HS3ST4: variants seen among roughly 807,000 people sequenced by gnomAD.
The protein encoded by HS3ST4 is heparan sulfate glucosamine 3-O-sulfotransferase 4.
Under a neutral mutation model 29.2 loss-of-function variants are expected in HS3ST4, and 17 were observed. The ratio of observed to expected loss-of-function variants is 0.58; its 90% confidence interval spans 0.40 to 0.87. The LOEUF (loss-of-function observed/expected upper bound fraction) is 0.87, where lower values mean the gene tolerates loss of function less well. Among genes scored for constraint, HS3ST4 ranks in the 40% least tolerant of loss-of-function variants. HS3ST4 has a pLI of 0.00. For synonymous variants in HS3ST4, 314 were observed against 285.7 expected (o/e 1.10, Z -1.00); for missense variants, 627 against 634.5 (o/e 0.99, Z 0.13).
chr16:26,015,376 G>C lies in HS3ST4; in HGVS notation c.735-120236G>C, dbSNP rs1390465786. ...GTGGGGAATGGGGGTCCCAAATGCA[G>C]AGCTTCTGTCATTTTTAGAGATGTC... On this transcript the variant is annotated intron_variant, in intron 1 of 1. Transcript: ENST00000331351. 2.0e-5 allele frequency among the ~76,000 whole-genome samples: 3 copies of C among 152,338 alleles called. No individual in the cohort carries two copies. In the East Asian group the frequency reaches 5.8e-4, roughly 29 times the overall value.
intron 1 of HS3ST4, among the ~76,000 whole-genome samples, chr16:26,074,173 G>T (rs1898632666): frequency 6.6e-6 from 1 of 152,152 alleles, no homozygotes; most frequent in Non-Finnish European, 1.5e-5. Context: ...CCCTCTGAGG[G>T]CAGGAAACCT....
intron 1 of HS3ST4, among the ~76,000 whole-genome samples, chr16:26,092,397 G>A (rs775729738): frequency 3.9e-5 from 6 of 152,128 alleles, no homozygotes; most frequent in Non-Finnish European, 7.3e-5. Context: ...ACTGCTCCAT[G>A]TCCAGTCCCC....
chr16:25,810,000 T>C (rs1207503074), intron 1 of HS3ST4, among the ~76,000 whole-genome samples: 2 of 152,078 alleles, frequency 1.3e-5, no homozygotes, highest in Non-Finnish European at 2.9e-5. Flanking sequence ...TAGTGTTTCT[T>C]CTGCTTGCTT....
intron 1 of HS3ST4, among the ~76,000 whole-genome samples, chr16:26,130,447 A>C (rs1172565712): frequency 6.6e-6 from 1 of 152,168 alleles, no homozygotes; most frequent in African/African-American, 2.4e-5. Context: ...TTCATCCAGT[A>C]ACCACAAATA....
intron 1 of HS3ST4, among the ~76,000 whole-genome samples, chr16:26,094,338 G>A (rs1898896917): frequency 6.6e-6 from 1 of 152,108 alleles, no homozygotes; most frequent in South Asian, 2.1e-4. Context: ...TGAAATGAAG[G>A]AAAAAATGTT....
intron 1 of HS3ST4, among the ~76,000 whole-genome samples, chr16:25,871,426 G>T (rs1425986107): frequency 6.6e-6 from 1 of 152,134 alleles, no homozygotes; most frequent in Non-Finnish European, 1.5e-5. Flanking sequence ...ATCAACATTG[G>T]TGTGGAAAAA....
chr16:26,051,059 A>G (rs966081684), intron 1 of HS3ST4, among the ~76,000 whole-genome samples: 11 of 152,290 alleles, frequency 7.2e-5, no homozygotes, highest in Non-Finnish European at 1.2e-4. Flanking sequence ...GTGTTCATCC[A>G]GAGAGGTGTG....
At chr16:25,897,588 C>T (rs1567267483) in intron 1 of HS3ST4, among the ~76,000 whole-genome samples, 1 of 152,162 alleles carries the variant, frequency 6.6e-6, no homozygotes, top group Non-Finnish European at 1.5e-5. Context: ...TTCCTCTGAG[C>T]TCTGGCCTCT....
At chr16:25,787,910 G>C (rs1325402542) in intron 1 of HS3ST4, among the ~76,000 whole-genome samples, 5 of 152,120 alleles carry the variant, frequency 3.3e-5, no homozygotes, top group Non-Finnish European at 5.9e-5. Flanking sequence ...GTTATTTTAG[G>C]CCATAATGCA....
intron 1 of HS3ST4, among the ~76,000 whole-genome samples, chr16:25,764,406 T>A (rs536166190): frequency 6.6e-6 from 1 of 152,276 alleles, no homozygotes; most frequent in South Asian, 2.1e-4. Flanking sequence ...AGGCTAGGGA[T>A]CACATACAGC....
intron 1 of HS3ST4, among the ~76,000 whole-genome samples, chr16:26,118,828 G>T (rs979971284): frequency 6.6e-6 from 1 of 152,128 alleles, no homozygotes; most frequent in Non-Finnish European, 1.5e-5. Flanking sequence ...GTTGAAACGG[G>T]ATATGAGGTT....
chr16:26,121,783 G>A (rs866126723), intron 1 of HS3ST4, among the ~76,000 whole-genome samples: 5 of 152,142 alleles, frequency 3.3e-5, no homozygotes, highest in Non-Finnish European at 7.3e-5. Flanking sequence ...CCTTTAAAAC[G>A]CTGAGACCAA....
At chr16:25,873,545 T>TCTCC (rs1445076072) in intron 1 of HS3ST4, among the ~76,000 whole-genome samples, 12 of 147,202 alleles carry the variant, frequency 8.2e-5, no homozygotes, top group African/African-American at 3.0e-4. Context: ...TATCTTTCTC[T>TCTCC]ATCTATCTGT....
intron 1 of HS3ST4, among the ~76,000 whole-genome samples, chr16:25,948,343 AT>A (rs111375192): frequency 1.0e-4 from 15 of 150,274 alleles, no homozygotes; most frequent in East Asian, 2.0e-4. Flanking sequence ...GTTATATGCA[AT>A]TTTTTTTTTC....
intron 1 of HS3ST4, among the ~76,000 whole-genome samples, chr16:26,108,176 T>C (rs1899081354): frequency 6.6e-6 from 1 of 152,204 alleles, no homozygotes; most frequent in African/African-American, 2.4e-5. Flanking sequence ...ACTGTGGTTT[T>C]AATTTGCATT....
chr16:25,783,425 C>T (rs180777380), intron 1 of HS3ST4, among the ~76,000 whole-genome samples: 2 of 152,110 alleles, frequency 1.3e-5, no homozygotes, highest in East Asian at 3.9e-4. Context: ...CATTGAAAAT[C>T]ACTTTTCTCC....
intron 1 of HS3ST4, among the ~76,000 whole-genome samples, chr16:26,111,247 T>TA (rs35622983): frequency 0.1 from 15,426 of 150,692 alleles, 955 homozygotes; most frequent in Admixed American, 0.17. Context: ...TCTGGCTAAT[T>TA]AAAAAAAAAT....
intron 1 of HS3ST4, among the ~76,000 whole-genome samples, chr16:25,804,059 G>A (rs1966966170): frequency 6.6e-6 from 1 of 152,042 alleles, no homozygotes; most frequent in African/African-American, 2.4e-5. Context: ...AAAACTCTGA[G>A]TAGGTTACTA....
chr16:25,905,391 T>A (rs1358753738), intron 1 of HS3ST4, among the ~76,000 whole-genome samples: 1 of 152,136 alleles, frequency 6.6e-6, no homozygotes, highest in Non-Finnish European at 1.5e-5. Flanking sequence ...GAGGGGGTTC[T>A]GCATTGAGGA....
Sources: allele counts gnomAD v4.1 joint callset (sites outside exome capture counted in the v4.1 genomes callset), GRCh38; gene constraint gnomAD v4.1.1; transcripts MANE v1.5; gene names NCBI Gene and HGNC (gene_info 2026-07-23, HGNC 2026-07-21).